GRM7: variants seen among roughly 807,000 people sequenced by gnomAD.
The protein encoded by GRM7 is glutamate metabotropic receptor 7.
Under a neutral mutation model 84.5 loss-of-function variants are expected in GRM7, and 35 were observed. That is an observed-to-expected ratio of 0.41 (90% CI 0.32 to 0.55). GRM7 has a LOEUF of 0.55. Ranked by LOEUF, GRM7 falls within the 20% of genes least tolerant of loss-of-function variation. GRM7 has a pLI of 0.19. For missense variants in GRM7, 1,003 were observed against 1,194.6 expected, an observed-to-expected ratio of 0.84 and a Z score of 2.36; for synonymous variants, 487 against 455.1, an observed-to-expected ratio of 1.07 and a Z score of -0.89.
At position 7,578,931 on chromosome 3, in the gene GRM7, G is replaced by A. The variant is rs267599934; in HGVS notation, c.2025G>A (p.Thr675=). 16 of 1,614,092 alleles carry A rather than the reference G, an allele frequency of 9.9e-6. No homozygotes were observed. The highest frequency in any genetic ancestry group is 5.3e-5 in the African/African-American group (4 of 75,004). ...GCATCAGTTATGCAGCCCTCTTGAC[G>A]AAAACAAATCGGATTTATCGCATAT... The part of the protein sequence containing the change: ...GMCISYAALL[T]KTNRIYRIFE... The change falls in exon 8 of 10, where the codon ACG becomes ACA. Residue 675 remains threonine, a synonymous_variant. Transcript: ENST00000357716.
rs866676218 is a variant in GRM7 at position 7,108,396 on chromosome 3, G to A, written c.520-38056G>A. On this transcript the variant is annotated intron_variant, in intron 1 of 9. Coordinates refer to ENST00000357716, the MANE Select transcript of GRM7 (RefSeq NM_000844.4). Reference sequence around the variant, plus strand: ...TGGTACCGATTTGTTATTGAACACAGGTCCACTACCATGGCTCTGAAGAAC... The same window carrying A: ...TGGTACCGATTTGTTATTGAACACAAGTCCACTACCATGGCTCTGAAGAAC... 3.3e-5 allele frequency among the ~76,000 whole-genome samples: 5 copies of A among 151,998 alleles called. No individual in the cohort carries two copies. In the South Asian group the frequency reaches 1.0e-3, roughly 32 times the overall value.
chr3:6,940,964 G>A (rs1202140729), intron 1 of GRM7, among the ~76,000 whole-genome samples: 1 of 152,334 alleles, frequency 6.6e-6, no homozygotes, highest in South Asian at 2.1e-4. Flanking sequence ...TGAACGTTGA[G>A]CAAATTATGG....
chr3:7,700,516 GAC>G (rs1420785284), intron 9 of GRM7, among the ~76,000 whole-genome samples: 1 of 152,188 alleles, frequency 6.6e-6, no homozygotes, highest in Non-Finnish European at 1.5e-5. Context: ...TTTCAAGCTT[GAC>G]AGTTTGTCTT....
In GRM7 at chr3:7,578,499, G is replaced by C; in HGVS notation, c.1593G>C (p.Gln531His). The change falls in exon 8 of 10, where the codon CAG becomes CAC. Residue 531 changes from glutamine (Q) to histidine (H), a missense_variant. Physicochemically the swap from Gln to His is conservative, Grantham distance 24. Coordinates refer to ENST00000357716, the MANE Select transcript of GRM7 (RefSeq NM_000844.4). The stretch of plus-strand genomic sequence containing the variant: ...GCACACTACCATGTAAGCCAGGACA[G>C]AGAAAGAAGACACAGAAAGGAACTC... ...SVCTLPCKPG[Q>H]RKKTQKGTPC... The C allele has an allele frequency of 6.2e-7, 1 of 1,614,030 alleles. No homozygotes were observed. The highest frequency in any genetic ancestry group is 8.5e-7 in the Non-Finnish European group (1 of 1,179,930).
chr3:7,329,651 A>G (rs1048981132), intron 4 of GRM7, among the ~76,000 whole-genome samples: 1 of 152,140 alleles, frequency 6.6e-6, no homozygotes, highest in Non-Finnish European at 1.5e-5. Flanking sequence ...CAACAGTCTT[A>G]TATTTCTATA....
chr3:6,896,477 A>G (rs1696186558), intron 1 of GRM7, among the ~76,000 whole-genome samples: 1 of 152,186 alleles, frequency 6.6e-6, no homozygotes, highest in Admixed American at 6.5e-5. Flanking sequence ...GTAACTCAAT[A>G]TATTAACTGC....
At chr3:7,611,906 AT>A (rs1174268190) in intron 8 of GRM7, among the ~76,000 whole-genome samples, 1 of 152,232 alleles carries the variant, frequency 6.6e-6, no homozygotes, top group African/African-American at 2.4e-5. Context: ...TTAAGAATCT[AT>A]GAACAAATCT....
chr3:7,153,890 C>T (rs1441265485), intron 2 of GRM7, among the ~76,000 whole-genome samples: 1 of 151,986 alleles, frequency 6.6e-6, no homozygotes, highest in Non-Finnish European at 1.5e-5. Context: ...CTGGTTAGGG[C>T]ATACTACAAG....
At chr3:7,143,008 C>A (rs7644671) in intron 1 of GRM7, among the ~76,000 whole-genome samples, 86,928 of 151,920 alleles carry the variant, frequency 0.57, 26,537 homozygotes, top group African/African-American at 0.79. Flanking sequence ...GAGATGGAAT[C>A]TCTCTTTTTA....
chr3:6,905,907 T>A (rs755244217), intron 1 of GRM7, among the ~76,000 whole-genome samples: 2 of 152,220 alleles, frequency 1.3e-5, no homozygotes, highest in Admixed American at 6.5e-5. Context: ...TCAATCATAG[T>A]CATGATTTTC....
rs982824734 is a variant in GRM7, at chr3:7,513,274, T to C, written c.1515+51552T>C. Among the ~76,000 whole-genome samples, 6 of 152,240 alleles carry C rather than the reference T, an allele frequency of 3.9e-5. No individual in the cohort carries two copies. The East Asian group carries it at 7.7e-4, about 20-fold the overall frequency. On this transcript the variant is annotated intron_variant, in intron 7 of 9. Transcript: ENST00000357716. ...AGTGGACCATCAAAATAGTTGTTACTGCATGGATTAAAATCATTGGCAAAG... is the reference window on the plus strand; with the variant it reads ...AGTGGACCATCAAAATAGTTGTTACCGCATGGATTAAAATCATTGGCAAAG...
chr3:6,907,453 G>A (rs555429635), intron 1 of GRM7, among the ~76,000 whole-genome samples: 2 of 152,106 alleles, frequency 1.3e-5, no homozygotes, highest in South Asian at 2.1e-4. Context: ...GGCAAGAAGC[G>A]GTGCTTTAAC....
chr3:7,119,258 G>T (rs1454187495), intron 1 of GRM7, among the ~76,000 whole-genome samples: 1 of 151,830 alleles, frequency 6.6e-6, no homozygotes, highest in Non-Finnish European at 1.5e-5. Flanking sequence ...TATGAGATGG[G>T]TTTTTGTCTG....
At chr3:7,283,751 A>G (rs964358120) in intron 2 of GRM7, among the ~76,000 whole-genome samples, 18 of 152,200 alleles carry the variant, frequency 1.2e-4, no homozygotes, top group African/African-American at 4.1e-4. Context: ...AATTCTTTGA[A>G]GTTCTACACA....
intron 4 of GRM7, among the ~76,000 whole-genome samples, chr3:7,394,290 C>G (rs1026212403): frequency 1.3e-5 from 2 of 152,180 alleles, no homozygotes; most frequent in Non-Finnish European, 2.9e-5. Flanking sequence ...ATGGTAGATT[C>G]ACACAGCATT....
intron 1 of GRM7, among the ~76,000 whole-genome samples, chr3:7,035,486 A>G (rs1696354775): frequency 6.6e-6 from 1 of 152,206 alleles, no homozygotes. Flanking sequence ...TACTATTTCA[A>G]GGCCTATACA....
chr3:6,973,446 C>T (rs1006883676), intron 1 of GRM7, among the ~76,000 whole-genome samples: 2 of 152,026 alleles, frequency 1.3e-5, no homozygotes, highest in Non-Finnish European at 2.9e-5. Context: ...CAAACACACA[C>T]ATGTAAATTT....
intron 1 of GRM7, among the ~76,000 whole-genome samples, chr3:7,040,435 T>C (rs1696555136): frequency 6.6e-6 from 1 of 152,056 alleles, no homozygotes; most frequent in African/African-American, 2.4e-5. Context: ...TCCGAGTAGC[T>C]GGGACTACAG....
At chr3:7,410,579 C>CAA (rs1436236132) in intron 4 of GRM7, among the ~76,000 whole-genome samples, 5 of 127,078 alleles carry the variant, frequency 3.9e-5, no homozygotes, top group African/African-American at 1.5e-4. Flanking sequence ...CTCAAAAAAA[C>CAA]AAAATATATA....
Sources: gnomAD v4.1 joint callset for allele counts (sites outside exome capture counted in the v4.1 genomes callset) on GRCh38, gnomAD v4.1.1 for gene constraint, MANE v1.5 for transcripts, NCBI Gene and HGNC (gene_info 2026-07-23, HGNC 2026-07-21) for gene names.